Variants in ITIH1 observed in about 807,000 individuals in gnomAD.
The protein encoded by ITIH1 is inter-alpha-trypsin inhibitor heavy chain 1, also known as inter-alpha-trypsin inhibitor heavy chain H1.
In ITIH1, 94 loss-of-function variants were observed where a neutral mutation model predicts 104.6. The observed-to-expected ratio is 0.90, with a 90% CI of 0.76 to 1.07. The LOEUF (loss-of-function observed/expected upper bound fraction) is 1.07, where lower values mean the gene tolerates loss of function less well. Among genes scored for constraint, ITIH1 ranks in the 50% least tolerant of loss-of-function variants. ITIH1 has a pLI of 0.00. For synonymous variants in ITIH1, 455 were observed against 464.4 expected, an observed-to-expected ratio of 0.98 and a Z score of 0.26; for missense variants, 1,193 against 1,181.4, an observed-to-expected ratio of 1.01 and a Z score of -0.14.
intron 12 of ITIH1, among the ~76,000 whole-genome samples, chr3:52,785,869 A>G (rs568783063): frequency 5.3e-5 from 8 of 152,372 alleles, no homozygotes; most frequent in African/African-American, 1.9e-4. Flanking sequence ...TAATACCCTT[A>G]GGCAGCAGCT....
In ITIH1 at chr3:52,782,065, G is replaced by A; in HGVS notation, c.813G>A (p.Leu271=). 6.2e-7 allele frequency: 1 copy of A among 1,614,166 alleles called. No individual in the cohort carries two copies. Among genetic ancestry groups the A allele is most frequent in the Non-Finnish European group, 8.5e-7 (1 of 1,180,040 alleles). ...GTCGAGACAAGATCTGCGACCTCCTGGTGAGCCCTGAGCTTCTGGCTCAGC... is the reference window on the plus strand; with the variant it reads ...GTCGAGACAAGATCTGCGACCTCCTAGTGAGCCCTGAGCTTCTGGCTCAGC... ...DVSRDKICDL[L]VANNHFAHFF... Residue 271 remains leucine (L), a splice_region_variant and synonymous_variant, in exon 7 of 22, where the codon CTG becomes CTA. Transcript: ENST00000273283.
At chr3:52,780,776 T>C (rs1699015506) in intron 6 of ITIH1, among the ~76,000 whole-genome samples, 1 of 152,162 alleles carries the variant, frequency 6.6e-6, no homozygotes, top group African/African-American at 2.4e-5. Context: ...AAGCTTCAGG[T>C]TTCTTGGAAA....
At chr3:52,787,804 C>T in intron 16 of ITIH1, 182 bp from the exon 17 acceptor site, 1 of 895,990 alleles carries the variant, frequency 1.1e-6, no homozygotes, top group Non-Finnish European at 1.9e-6. Context: ...GCTAAACATG[C>T]CAGGCCAAGC....
In ITIH1 at chr3:52,779,083, G is replaced by T. The variant is rs750544695; in HGVS notation, c.410+37G>T. 1 of 1,395,202 alleles carries T rather than the reference G, an allele frequency of 7.2e-7. No homozygotes were observed. Among genetic ancestry groups the T allele is most frequent in the Non-Finnish European group, 1.0e-6 (1 of 980,382 alleles). The allele number at this position is 1,395,202 out of a possible 1,614,324, so 86.4% of individuals were successfully genotyped here. On this transcript the variant is annotated intron_variant, in intron 4 of 21. Transcript: ENST00000273283. The surrounding 1 kb of genome is among the most constrained non-coding windows in gnomAD (Gnocchi z 4.4). ...GCCTGCTGGTCTCATCTCTAGGGCT[G>T]CCCTCCCCAGCCAGGACAGGTCTGA...
Position 52,780,131 on chromosome 3 carries a change from G to T in ITIH1, c.574-138G>T. The T allele has an allele frequency of 4.3e-6, 4 of 921,544 alleles. No individual in the cohort carries two copies. The East Asian group carries it at 7.9e-5, about 18-fold the overall frequency. 57.1% of individuals were successfully genotyped at this position (921,544 alleles called of 1,614,324 possible). On this transcript the variant is annotated intron_variant, in intron 5 of 21. Transcript: ENST00000273283. The stretch of plus-strand genomic sequence containing the variant: ...CCTGGTAGAGAATTTGCTTCAGTGT[G>T]GTGTGAGCCTATAATCCCAGCTACG...
Position 52,788,312 on chromosome 3 carries a change from GT to G in ITIH1, c.2088del (p.Ile697SerfsTer2). The G allele has an allele frequency of 6.2e-7, 1 of 1,609,452 alleles. No individual in the cohort carries two copies. The highest frequency in any genetic ancestry group is 8.5e-7 in the Non-Finnish European group (1 of 1,177,862). On this transcript the variant is annotated frameshift_variant, in exon 18 of 22. Transcript: ENST00000273283. LOFTEE classifies it high-confidence loss of function. ...LCFNINEEPGVILSLVQDPNT... is the reference protein window; with the variant it reads ...LCFNINEEPGXILSLVQDPNT... ...CTTCAACATCAATGAGGAGCCTGGTGTTATCCTGAGCCTGGTACAGGACCCC... is the reference window on the plus strand; with the variant it reads ...CTTCAACATCAATGAGGAGCCTGGTGTATCCTGAGCCTGGTACAGGACCCC...
At position 52,784,451 on chromosome 3, in the gene ITIH1, G is replaced by T; in HGVS notation, c.1381G>T (p.Asp461Tyr). ...CGGACGGGCCCAGAGAATCTACGAG[G>T]ACCATGATGCCACCCAGCAGCTGCA... is the stretch of plus-strand genomic sequence containing the variant. ...NNGRAQRIYE[D>Y]HDATQQLQGF... The change falls in exon 11 of 22, where the codon GAC becomes TAC. Residue 461 changes from aspartate (D) to tyrosine (Y), a missense_variant. Physicochemically the swap from Asp to Tyr is radical, Grantham distance 160. Transcript: ENST00000273283. The T allele has an allele frequency of 6.2e-7, 1 of 1,614,076 alleles. No homozygotes were observed. Among genetic ancestry groups the T allele is most frequent in the Non-Finnish European group, 8.5e-7 (1 of 1,179,968 alleles).
chr3:52,785,010 C>T, intron 11 of ITIH1, 34 bp from the exon 12 acceptor site: 1 of 1,608,364 alleles, frequency 6.2e-7, no homozygotes, highest in South Asian at 1.1e-5. Flanking sequence ...GCCCAGGGTG[C>T]TCAGCTCTAA....
chr3:52,779,606 G>C lies in ITIH1; in HGVS notation c.573+12G>C, dbSNP rs1400726199. The C allele has an allele frequency of 4.3e-6, 7 of 1,614,028 alleles. No individual in the cohort carries two copies. Among genetic ancestry groups the C allele is most frequent in the Non-Finnish European group, 5.1e-6 (6 of 1,179,946 alleles). ...TGCATCATTTTGAGGTAGATCACAG[G>C]TCCCGGGGCAGGGGTCCTGCCCCTC... On this transcript the variant is annotated intron_variant, in intron 5 of 21. Coordinates refer to ENST00000273283, the MANE Select transcript of ITIH1 (RefSeq NM_002215.4). This position sits in a 1 kb window ranked among gnomAD's most constrained non-coding sequence, Gnocchi z 4.4.
At chr3:52,787,650 C>T (rs111477914) in intron 16 of ITIH1, 38 bp downstream of exon 16, 20,821 of 1,608,178 alleles carry the variant, frequency 0.013, 180 homozygotes, top group Non-Finnish European at 0.016. Context: ...CATCTCTACC[C>T]CTCCTTGATG....
At chr3:52,781,194 CTTCTTTT>C (rs1417014983) in intron 6 of ITIH1, among the ~76,000 whole-genome samples, 2 of 93,344 alleles carry the variant, frequency 2.1e-5, no homozygotes, top group African/African-American at 5.4e-5. Flanking sequence ...ACCTCCTCCT[CTTCTTTT>C]TTTTTTTTTC....
In ITIH1 at chr3:52,791,575, C is replaced by T; in HGVS notation, c.2553C>T (p.Pro851=). ...CTGACATCCACCCAGGCTCTGACCC[C>T]ACAAAGCCAGATGCCACGATGGTGG... is the stretch of plus-strand genomic sequence containing the variant. The part of the protein sequence containing the change: ...EVSDIHPGSD[P]TKPDATMVVR... Residue 851 remains proline, a synonymous_variant, in exon 21 of 22, where the codon CCC becomes CCT. Coordinates refer to ENST00000273283, the MANE Select transcript of ITIH1 (RefSeq NM_002215.4). 6.2e-7 allele frequency: 1 copy of T among 1,614,166 alleles called. No homozygotes were observed. The highest frequency in any genetic ancestry group is 8.5e-7 in the Non-Finnish European group (1 of 1,180,036).
rs1161918493 is a variant in ITIH1, at chr3:52,784,362, A to G, written c.1292A>G (p.Tyr431Cys). 5 of 1,614,028 alleles carry G rather than the reference A, an allele frequency of 3.1e-6. No homozygotes were observed. Among genetic ancestry groups the G allele is most frequent in the Non-Finnish European group, 4.2e-6 (5 of 1,180,000 alleles). The change falls in exon 11 of 22, where the codon TAC (tyrosine) becomes TGC (cysteine). Residue 431 changes from tyrosine to cysteine, a missense_variant. Transcript: ENST00000273283. ...RNAIRGRFPLYNLGFGHNVDF... is the reference protein window; with the variant it reads ...RNAIRGRFPLCNLGFGHNVDF... ...GCCATCCGGGGCAGGTTCCCGCTCT[A>G]CAACCTGGGTTTCGGCCACAATGTG...
Position 52,782,159 on chromosome 3 carries a change from T to A in ITIH1, c.822T>A (p.Asn274Lys). 1 of 1,614,184 alleles carries A rather than the reference T, an allele frequency of 6.2e-7. No individual in the cohort carries two copies. Among genetic ancestry groups the A allele is most frequent in the Non-Finnish European group, 8.5e-7 (1 of 1,180,012 alleles). ...RDKICDLLVA[N>K]NHFAHFFAPQ... ...GTTCTCCTCTATTTCAGGTGGCCAA[T>A]AACCACTTTGCCCACTTCTTTGCCC... Residue 274 changes from asparagine (N) to lysine (K), a missense_variant, in exon 8 of 22, where the codon AAT becomes AAA. Physicochemically the swap from Asn to Lys is moderately conservative, Grantham distance 94 (BLOSUM62 0). Coordinates refer to ENST00000273283, the MANE Select transcript of ITIH1 (RefSeq NM_002215.4).
Position 52,779,460 on chromosome 3 carries a change from A to C in ITIH1, c.439A>C (p.Thr147Pro), listed in dbSNP as rs773635055. ...CTCGGGGAGAACTATGGAGCAATTC[A>C]CCATCCACCTCACCGTCAATCCCCA... ...RASGRTMEQF[T>P]IHLTVNPQSK... The change falls in exon 5 of 22, where the codon ACC becomes CCC. Residue 147 changes from threonine (T) to proline (P), a missense_variant. Transcript: ENST00000273283. This position sits in a 1 kb window ranked among gnomAD's most constrained non-coding sequence, Gnocchi z 4.4. 1 of 1,614,242 alleles carries C rather than the reference A, an allele frequency of 6.2e-7. No homozygotes were observed. The highest frequency in any genetic ancestry group is 8.5e-7 in the Non-Finnish European group (1 of 1,180,044).
chr3:52,779,486 G>A lies in ITIH1; in HGVS notation c.465G>A (p.Gln155=). ...QFTIHLTVNP[Q]SKVTFQLTYE... is the part of the protein sequence containing the mutation. ...CCATCCACCTCACCGTCAATCCCCA[G>A]AGCAAGGTCACGTTTCAGCTGACTT... Residue 155 remains glutamine (Q), a synonymous_variant, in exon 5 of 22, where the codon CAG becomes CAA. Transcript: ENST00000273283. The surrounding 1 kb of genome is among the most constrained non-coding windows in gnomAD (Gnocchi z 4.4). 1 of 1,614,236 alleles carries A rather than the reference G, an allele frequency of 6.2e-7. No individual in the cohort carries two copies. Among genetic ancestry groups the A allele is most frequent in the Non-Finnish European group, 8.5e-7 (1 of 1,180,048 alleles).
chr3:52,787,076 C>A lies in ITIH1; in HGVS notation c.1865C>A (p.Pro622His), dbSNP rs781270741. The change falls in exon 14 of 22, where the codon CCC becomes CAC. Residue 622 changes from proline to histidine, a missense_variant. Physicochemically the swap from Pro to His is moderately conservative, Grantham distance 77. Coordinates refer to ENST00000273283, the MANE Select transcript of ITIH1 (RefSeq NM_002215.4). ...RGMADQDGLK[P>H]TIDKPSEDSP... ...ATGGCGGACCAGGACGGCCTGAAGCCCACCATCGACAAGCCCTCAGAGGGT... is the reference window on the plus strand; with the variant it reads ...ATGGCGGACCAGGACGGCCTGAAGCACACCATCGACAAGCCCTCAGAGGGT... 1 of 1,614,178 alleles carries A rather than the reference C, an allele frequency of 6.2e-7. No individual in the cohort carries two copies. Among genetic ancestry groups the A allele is most frequent in the Middle Eastern group, 1.7e-4 (1 of 6,060 alleles).
At chr3:52,787,932 C>A in intron 16 of ITIH1, 54 bp from the exon 17 acceptor site, 2 of 1,522,852 alleles carry the variant, frequency 1.3e-6, no homozygotes, top group Non-Finnish European at 1.8e-6. Context: ...GGATCAGCAG[C>A]TCCAGGGAAG....
At chr3:52,784,074 G>A (rs1699135469) in intron 10 of ITIH1, among the ~76,000 whole-genome samples, 1 of 152,190 alleles carries the variant, frequency 6.6e-6, no homozygotes, top group African/African-American at 2.4e-5. Flanking sequence ...CAGACCTGCT[G>A]GTGATGGACC....
Sources: gnomAD v4.1 joint callset for allele counts (sites outside exome capture counted in the v4.1 genomes callset) on GRCh38, gnomAD v4.1.1 for gene constraint, Gnocchi (gnomAD v3.1) non-coding constraint, MANE v1.5 for transcripts, NCBI Gene and HGNC (gene_info 2026-07-23, HGNC 2026-07-21) for gene names.